The following INTS7 variants were observed in gnomAD, a reference collection of about 807,000 sequenced individuals.
INTS7 encodes integrator complex subunit 7, also known as chromosome 1 open reading frame 73.
INTS7 carries 46 observed loss-of-function variants against 109.2 expected under a neutral mutation model. The observed-to-expected ratio is 0.42, with a 90% CI of 0.33 to 0.54. INTS7 has a LOEUF of 0.54. INTS7 is among the 20% of genes least tolerant of loss of function. The pLI is 0.07. For missense variants in INTS7, 929 were observed against 1,132.4 expected (o/e 0.82, Z 2.58); for synonymous variants, 412 against 402.9 (o/e 1.02, Z -0.27).
At chr1:212,024,035 T>C (rs570442760) in intron 1 of INTS7, among the ~76,000 whole-genome samples, 1 of 152,316 alleles carries the variant, frequency 6.6e-6, no homozygotes, top group East Asian at 1.9e-4. Context: ...GTGTGCAGCT[T>C]TATCTCTGGG....
chr1:211,969,722 A>AT (rs762057924), intron 13 of INTS7, among the ~76,000 whole-genome samples: 47,907 of 140,850 alleles, frequency 0.34, 8,880 homozygotes, highest in Non-Finnish European at 0.44. Flanking sequence ...TGCCTGGCTA[A>AT]TTTTTTTTTT....
intron 1 of INTS7, chr1:212,030,632 A>G (rs1194494546): frequency 1.3e-5 from 2 of 152,150 alleles, no homozygotes; most frequent in Non-Finnish European, 1.5e-5. Flanking sequence ...ACACTCTCAG[A>G]CTAAGTGTGG....
intron 4 of INTS7, among the ~76,000 whole-genome samples, chr1:212,015,887 C>A (rs1236345508): frequency 6.6e-6 from 1 of 151,600 alleles, no homozygotes; most frequent in African/African-American, 2.4e-5. Context: ...TGATATATAT[C>A]CTTCTAGTCT....
chr1:211,971,932 A>G lies in INTS7; in HGVS notation c.1816-3225T>C, dbSNP rs554288841. Reference sequence around the variant, plus strand: ...CTCAGTCTCAAAAAAAAAAAAAAAAAAAAAGAAAAGAAAAGAAAAAGAAAA... The same window carrying G: ...CTCAGTCTCAAAAAAAAAAAAAAAAGAAAAGAAAAGAAAAGAAAAAGAAAA... On this transcript the variant is annotated intron_variant, in intron 13 of 19. Coordinates refer to ENST00000366994, the MANE Select transcript of INTS7 (RefSeq NM_015434.4). 6.1e-4 allele frequency among the ~76,000 whole-genome samples: 89 copies of G among 146,220 alleles called. No individual in the cohort carries two copies. In the South Asian group the frequency reaches 9.1e-3, roughly 15 times the overall value.
intron 19 of INTS7, among the ~76,000 whole-genome samples, chr1:211,943,310 G>A (rs896355716): frequency 1.3e-5 from 2 of 151,518 alleles, no homozygotes; most frequent in Non-Finnish European, 2.9e-5. Context: ...TGAGAGGTAG[G>A]TCAACAAGCA....
Position 211,975,356 on chromosome 1 carries a change from G to C in INTS7, c.1625C>G (p.Ala542Gly). ...CAGCAAACTCTGATAAAGCTCTTTG[G>C]CCATGTCATGATTACCCTAAAAACA... Reference protein sequence around the residue: ...QASRMGNHDMAKELYQSLLTQ... With the variant: ...QASRMGNHDMGKELYQSLLTQ... Residue 542 changes from alanine (A) to glycine (G), a missense_variant, in exon 13 of 20, where the codon GCC becomes GGC. This residue lies in a region of INTS7 where 787 missense variants were observed against 901.1 expected (regional missense o/e 0.87). Coordinates refer to ENST00000366994, the MANE Select transcript of INTS7 (RefSeq NM_015434.4). The C allele has an allele frequency of 6.2e-7, 1 of 1,613,596 alleles. No individual in the cohort carries two copies. The highest frequency in any genetic ancestry group is 8.5e-7 in the Non-Finnish European group (1 of 1,179,596).
At chr1:212,020,629 T>C (rs1666648359) in intron 2 of INTS7, 1 of 424,574 alleles carries the variant, frequency 2.4e-6, no homozygotes, top group Admixed American at 5.8e-5. Flanking sequence ...ATTGTGTGCA[T>C]ATGAGCACGA....
At chr1:211,961,021 G>GA (rs899869898) in intron 16 of INTS7, among the ~76,000 whole-genome samples, 38 of 144,282 alleles carry the variant, frequency 2.6e-4, no homozygotes, top group Admixed American at 1.5e-3. Context: ...TCAGAAAAAA[G>GA]AAAAAAAAAT....
chr1:211,969,637 C>G (rs1664079754), intron 13 of INTS7, among the ~76,000 whole-genome samples: 1 of 148,884 alleles, frequency 6.7e-6, no homozygotes, highest in Non-Finnish European at 1.5e-5. Context: ...CTCACTGCAG[C>G]CTCAACTTCC....
intron 11 of INTS7, 33 bp from the exon 12 acceptor site, chr1:211,976,752 C>A (rs182418706): frequency 8.9e-4 from 1,439 of 1,611,108 alleles, no homozygotes; most frequent in Non-Finnish European, 1.2e-3. Context: ...CCAAGAAAAT[C>A]ATTTAATTTT....
intron 4 of INTS7, among the ~76,000 whole-genome samples, chr1:212,016,320 G>C (rs2970585): frequency 0.046 from 7,019 of 152,184 alleles, 229 homozygotes; most frequent in African/African-American, 0.084. Context: ...TGTCAGTCAG[G>C]GAGATACTGT....
intron 8 of INTS7, among the ~76,000 whole-genome samples, chr1:211,984,448 C>T (rs980660987): frequency 2.0e-5 from 3 of 152,052 alleles, no homozygotes; most frequent in African/African-American, 7.2e-5. Context: ...TGAAATATTT[C>T]TTTTAAATCT....
chr1:212,021,158 C>A lies in INTS7; in HGVS notation c.149G>T (p.Arg50Ile). 1 of 1,613,000 alleles carries A rather than the reference C, an allele frequency of 6.2e-7. No homozygotes were observed. Among genetic ancestry groups the A allele is most frequent in the East Asian group, 2.2e-5 (1 of 44,826 alleles). ...AGGGAATGGATACTTCTGAAAAAGT[C>A]TGGGAAAGCGAACAACTGCTTCACA... is the stretch of plus-strand genomic sequence containing the variant. ...EQCEAVVRFP[R>I]LFQKYPFPIL... Residue 50 changes from arginine to isoleucine, a missense_variant, in exon 2 of 20, where the codon AGA becomes ATA. Physicochemically the swap from Arg to Ile is moderately conservative, Grantham distance 97. This residue lies in a region of INTS7 where 142 missense variants were observed against 231.4 expected (regional missense o/e 0.61). Transcript: ENST00000366994.
intron 10 of INTS7, among the ~76,000 whole-genome samples, chr1:211,979,923 T>G (rs1227333247): frequency 1.3e-5 from 2 of 152,216 alleles, no homozygotes; most frequent in Non-Finnish European, 2.9e-5. Flanking sequence ...TATCAGAGAA[T>G]GTATTGTGTT....
chr1:211,994,927 T>C (rs1272889065), intron 7 of INTS7, among the ~76,000 whole-genome samples: 1 of 151,930 alleles, frequency 6.6e-6, no homozygotes. Flanking sequence ...GTTAATGTGG[T>C]TGTAAAGCTC....
intron 9 of INTS7, among the ~76,000 whole-genome samples, chr1:211,982,102 C>T (rs995232319): frequency 6.6e-6 from 1 of 152,082 alleles, no homozygotes; most frequent in Non-Finnish European, 1.5e-5. Flanking sequence ...ATGGAATATC[C>T]AAAATGCATT....
At chr1:211,985,519 A>G (rs979247889) in intron 8 of INTS7, among the ~76,000 whole-genome samples, 3 of 152,242 alleles carry the variant, frequency 2.0e-5, no homozygotes, top group African/African-American at 7.2e-5. Flanking sequence ...ACAAACTTCA[A>G]TAAAAGGACA....
chr1:212,032,044 C>A (rs1302349490), intron 1 of INTS7, among the ~76,000 whole-genome samples: 3 of 152,140 alleles, frequency 2.0e-5, no homozygotes, highest in Non-Finnish European at 1.5e-5. Context: ...TTTAACATGA[C>A]CCAAACTGAT....
intron 15 of INTS7, among the ~76,000 whole-genome samples, chr1:211,966,871 T>C (rs564667109): frequency 6.6e-6 from 1 of 151,482 alleles, no homozygotes; most frequent in Non-Finnish European, 1.5e-5. Context: ...AAAAAAAAAA[T>C]AGAAACAAAA....
Sources: allele counts gnomAD v4.1 joint callset (sites outside exome capture counted in the v4.1 genomes callset), GRCh38; gene constraint gnomAD v4.1.1; regional missense constraint gnomAD v4.1.1; transcripts MANE v1.5; gene names NCBI Gene and HGNC (gene_info 2026-07-23, HGNC 2026-07-21).